Variants in DLGAP2 observed in about 807,000 individuals in gnomAD.
DLGAP2 encodes the protein disks large-associated protein 2.
In DLGAP2, 26 loss-of-function variants were observed where a neutral mutation model predicts 100.3. The ratio of observed to expected loss-of-function variants is 0.26; its 90% confidence interval spans 0.19 to 0.36. The LOEUF (loss-of-function observed/expected upper bound fraction) is 0.36, where lower values mean the gene tolerates loss of function less well. Ranked by LOEUF, DLGAP2 falls within the 10% of genes least tolerant of loss-of-function variation. The probability of loss-of-function intolerance (pLI) is 1.00; values close to 1 mark genes in which losing one functional copy is unlikely to be tolerated. For synonymous variants in DLGAP2, 886 were observed against 630.1 expected (o/e 1.41, Z -6.08); for missense variants, 1,858 against 1,453.2 (o/e 1.28, Z -4.53).
chr8:1,431,266 C>A (rs772990025), intron 3 of DLGAP2, among the ~76,000 whole-genome samples: 10 of 152,132 alleles, frequency 6.6e-5, no homozygotes, highest in Admixed American at 3.3e-4. Flanking sequence ...GTGTAAGTCC[C>A]GATTCAATGT....
At chr8:1,427,840 G>C (rs920980440) in intron 3 of DLGAP2, among the ~76,000 whole-genome samples, 5 of 152,186 alleles carry the variant, frequency 3.3e-5, no homozygotes, top group African/African-American at 1.2e-4. Context: ...TCTTGGGTAT[G>C]TCTTTATCAG....
intron 2 of DLGAP2, chr8:1,248,666 G>A (rs1798969061): frequency 7.1e-6 from 1 of 140,270 alleles, no homozygotes; most frequent in Non-Finnish European, 1.5e-5. Context: ...TGCCAGCCTG[G>A]GTAATGGCTG....
intron 2 of DLGAP2, among the ~76,000 whole-genome samples, chr8:918,566 T>C (rs927016159): frequency 6.6e-6 from 1 of 152,230 alleles, no homozygotes; most frequent in African/African-American, 2.4e-5. Flanking sequence ...ACAGGTGTAC[T>C]TGGTGTTCAC....
intron 3 of DLGAP2, among the ~76,000 whole-genome samples, chr8:1,365,963 C>G (rs1020630298): frequency 2.0e-5 from 3 of 152,222 alleles, no homozygotes. Context: ...GGAGAAATTG[C>G]TCAGATGTCC....
At position 1,564,431 on chromosome 8, in the gene DLGAP2, T is replaced by G. The variant is rs894722963; in HGVS notation, c.1231-1252T>G. Reference sequence around the variant, plus strand: ...TAACGCAAACACACAGCAGGCAGCCTGTGGGGCCGTTATGGGTGATATATA... The same window carrying G: ...TAACGCAAACACACAGCAGGCAGCCGGTGGGGCCGTTATGGGTGATATATA... On this transcript the variant is annotated intron_variant, in intron 5 of 14. Transcript: ENST00000637795. 3.3e-5 allele frequency among the ~76,000 whole-genome samples: 5 copies of G among 152,192 alleles called. No homozygotes were observed. The South Asian group carries it at 6.2e-4, about 19-fold the overall frequency.
At chr8:1,166,746 A>G (rs7827976) in intron 2 of DLGAP2, among the ~76,000 whole-genome samples, 1 of 152,092 alleles carries the variant, frequency 6.6e-6, no homozygotes, top group Non-Finnish European at 1.5e-5. Context: ...TCAATAAATT[A>G]TACAATTATT....
intron 2 of DLGAP2, among the ~76,000 whole-genome samples, chr8:1,177,748 G>C (rs948138973): frequency 9.2e-5 from 14 of 152,092 alleles, no homozygotes; most frequent in African/African-American, 3.4e-4. Flanking sequence ...GTCTGGTGAG[G>C]GCTGCTTCCT....
At chr8:1,148,826 C>A (rs1328314599) in intron 2 of DLGAP2, among the ~76,000 whole-genome samples, 1 of 151,994 alleles carries the variant, frequency 6.6e-6, no homozygotes, top group Non-Finnish European at 1.5e-5. Flanking sequence ...TTTTCTGGGT[C>A]TTTTTTTAGG....
At chr8:1,683,375 G>A (rs1372673350) in intron 12 of DLGAP2, among the ~76,000 whole-genome samples, 1 of 151,422 alleles carries the variant, frequency 6.6e-6, no homozygotes, top group Non-Finnish European at 1.5e-5. Context: ...CCTTCCTCTG[G>A]AGGAAGATCT....
chr8:1,525,066 A>G (rs967067879), intron 4 of DLGAP2, among the ~76,000 whole-genome samples: 1 of 151,922 alleles, frequency 6.6e-6, no homozygotes, highest in African/African-American at 2.4e-5. Context: ...TTCTGTTCAG[A>G]AGTGCTGAGT....
intron 2 of DLGAP2, among the ~76,000 whole-genome samples, chr8:1,099,904 A>G (rs1281639558): frequency 1.3e-5 from 2 of 152,236 alleles, no homozygotes; most frequent in Non-Finnish European, 2.9e-5. Flanking sequence ...ATTATGCCGC[A>G]AAGCTCTTAC....
At chr8:919,968 C>T (rs1331117612) in intron 2 of DLGAP2, among the ~76,000 whole-genome samples, 2 of 152,200 alleles carry the variant, frequency 1.3e-5, no homozygotes, top group Admixed American at 6.5e-5. Context: ...CCAGGAGCAC[C>T]CCCACTCAGC....
At chr8:1,087,354 G>T (rs1804009349) in intron 2 of DLGAP2, among the ~76,000 whole-genome samples, 1 of 152,176 alleles carries the variant, frequency 6.6e-6, no homozygotes, top group Non-Finnish European at 1.5e-5. Flanking sequence ...CTCACTTGAA[G>T]TCTTTTCATT....
chr8:1,699,887 T>A (rs557315857), intron 14 of DLGAP2, among the ~76,000 whole-genome samples: 4 of 152,318 alleles, frequency 2.6e-5, no homozygotes, highest in Admixed American at 1.3e-4. Context: ...GGCTCACAGT[T>A]CAGGGGACAC....
chr8:1,333,611 T>C (rs1801207293), intron 3 of DLGAP2, among the ~76,000 whole-genome samples: 1 of 152,170 alleles, frequency 6.6e-6, no homozygotes, highest in African/African-American at 2.4e-5. Flanking sequence ...GCCCTCATAA[T>C]AGGCAGCGAC....
rs535837045 is a variant in DLGAP2, at chr8:1,668,656, G to A, written c.2138G>A (p.Arg713His). 1.1e-4 allele frequency: 174 copies of A among 1,570,964 alleles called. 2 individuals are homozygous for A. In the South Asian group the frequency reaches 1.9e-3, roughly 17 times the overall value. ...VSKAEELLKS[R>H]CSSIGIQDSE... Reference sequence around the variant, plus strand: ...AAGGCGGAGGAGCTCCTCAAGAGCCGCTGCTCCTCCATCGGGATTCAGGTA... The same window carrying A: ...AAGGCGGAGGAGCTCCTCAAGAGCCACTGCTCCTCCATCGGGATTCAGGTA... Residue 713 changes from arginine (R) to histidine (H), a missense_variant, in exon 9 of 15, where the codon CGC becomes CAC. By Grantham distance (29) the Arg-to-His change is conservative. Coordinates refer to ENST00000637795, the MANE Select transcript of DLGAP2 (RefSeq NM_001346810.2).
chr8:779,440 T>C (rs573786011), intron 1 of DLGAP2, among the ~76,000 whole-genome samples: 1 of 151,426 alleles, frequency 6.6e-6, no homozygotes, highest in Non-Finnish European at 1.5e-5. Context: ...CATGCTTTTC[T>C]CTTCTTTTCT....
chr8:1,316,109 G>T (rs1258455083), intron 3 of DLGAP2, among the ~76,000 whole-genome samples: 7 of 131,340 alleles, frequency 5.3e-5, no homozygotes, highest in South Asian at 2.7e-4. Context: ...GAGACACTCG[G>T]CAGCTTTTAA....
chr8:742,524 T>G (rs1407405374), intron 1 of DLGAP2, among the ~76,000 whole-genome samples: 2 of 152,224 alleles, frequency 1.3e-5, no homozygotes, highest in African/African-American at 4.8e-5. Flanking sequence ...AAGTGGCTTT[T>G]TAGAGACAGG....
Sources: gnomAD v4.1 joint callset for allele counts (sites outside exome capture counted in the v4.1 genomes callset) on GRCh38, gnomAD v4.1.1 for gene constraint, MANE v1.5 for transcripts, NCBI Gene and HGNC (gene_info 2026-07-23, HGNC 2026-07-21) for gene names.